XYLB: variants seen among roughly 807,000 people sequenced by gnomAD.
The protein encoded by XYLB is xylulokinase, also known as xylulose kinase.
In XYLB, 62 loss-of-function variants were observed where a neutral mutation model predicts 78.7. The ratio of observed to expected loss-of-function variants is 0.79; its 90% CI spans 0.64 to 0.97. The LOEUF is 0.97. Ranked by LOEUF, XYLB falls within the 50% of genes least tolerant of loss-of-function variation. XYLB has a pLI of 0.00. For synonymous variants in XYLB, 245 were observed against 247.4 expected (o/e 0.99, Z 0.09); for missense variants, 687 against 676.8 (o/e 1.02, Z -0.17).
intron 9 of XYLB, among the ~76,000 whole-genome samples, chr3:38,371,077 G>A (rs1279642116): frequency 6.6e-6 from 1 of 152,156 alleles, no homozygotes; most frequent in East Asian, 1.9e-4. Flanking sequence ...GCTGCTGTGA[G>A]GACTTCGCGT....
intron 10 of XYLB, among the ~76,000 whole-genome samples, chr3:38,373,281 TG>T (rs1706671265): frequency 6.6e-6 from 1 of 152,100 alleles, no homozygotes; most frequent in Non-Finnish European, 1.5e-5. Flanking sequence ...GAAGGCCAGG[TG>T]GGCTACACTG....
chr3:38,430,287 G>A, the XYLB span, among the ~76,000 whole-genome samples: 6 of 152,160 alleles, frequency 3.9e-5, no homozygotes, highest in African/African-American at 1.4e-4. Flanking sequence ...GGTTTGATTT[G>A]CATTTATCTG....
At chr3:38,449,401 G>A in the XYLB span, among the ~76,000 whole-genome samples, 1 of 152,008 alleles carries the variant, frequency 6.6e-6, no homozygotes, top group South Asian at 2.1e-4. Flanking sequence ...GATTACAGGC[G>A]TGAGCCACCA....
chr3:38,399,414 T>C (rs1575527541), intron 17 of XYLB, among the ~76,000 whole-genome samples: 1 of 152,074 alleles, frequency 6.6e-6, no homozygotes, highest in African/African-American at 2.4e-5. Context: ...ACCCAGGCTG[T>C]ATGGTAGTTT....
intron 2 of XYLB, among the ~76,000 whole-genome samples, chr3:38,348,909 C>T (rs1559566669): frequency 6.6e-6 from 1 of 152,170 alleles, no homozygotes; most frequent in African/African-American, 2.4e-5. Flanking sequence ...GAAAGCTCTC[C>T]CAGAGCTTCC....
intron 15 of XYLB, among the ~76,000 whole-genome samples, chr3:38,390,461 G>A (rs1707600942): frequency 6.6e-6 from 1 of 152,116 alleles, no homozygotes; most frequent in African/African-American, 2.4e-5. Context: ...TGGTCTTCCT[G>A]CCTCGGCCTC....
At chr3:38,439,256 T>C in the XYLB span, among the ~76,000 whole-genome samples, 1 of 152,204 alleles carries the variant, frequency 6.6e-6, no homozygotes, top group Non-Finnish European at 1.5e-5. Context: ...GTCAGTGGGT[T>C]GGTCCAGGGG....
downstream of XYLB, among the ~76,000 whole-genome samples, chr3:38,424,716 G>T (rs755202650): frequency 6.6e-6 from 1 of 152,146 alleles, no homozygotes; most frequent in African/African-American, 2.4e-5. Flanking sequence ...TTCTTCATAC[G>T]TGGTTCATTC....
chr3:38,365,799 G>A (rs2125582763), intron 6 of XYLB, 63 bp downstream of exon 6: 1 of 1,530,754 alleles, frequency 6.5e-7, no homozygotes, highest in Non-Finnish European at 8.8e-7. Context: ...GGCATAGTGG[G>A]TGACCTGCCT....
the XYLB span, among the ~76,000 whole-genome samples, chr3:38,435,274 GA>G: frequency 1.3e-5 from 2 of 152,054 alleles, no homozygotes; most frequent in Non-Finnish European, 2.9e-5. Flanking sequence ...AAGTGAGCAG[GA>G]GTATCTATGC....
At chr3:38,423,119 C>A (rs778755972), downstream of XYLB, among the ~76,000 whole-genome samples, 3 of 152,140 alleles carry the variant, frequency 2.0e-5, no homozygotes, top group Non-Finnish European at 4.4e-5. Context: ...GCTGCCCAGG[C>A]TGGAGTGCAG....
chr3:38,403,655 A>G (rs1708204016), intron 18 of XYLB, among the ~76,000 whole-genome samples: 1 of 152,146 alleles, frequency 6.6e-6, no homozygotes, highest in Non-Finnish European at 1.5e-5. Flanking sequence ...TCATATGGTC[A>G]ATTCTGGTTG....
intron 15 of XYLB, among the ~76,000 whole-genome samples, chr3:38,388,460 T>C (rs1707493336): frequency 6.6e-6 from 1 of 152,226 alleles, no homozygotes; most frequent in African/African-American, 2.4e-5. Context: ...AATATATACA[T>C]ATTTCAAAAC....
chr3:38,425,516 T>C (rs1709082630), downstream of XYLB, among the ~76,000 whole-genome samples: 1 of 152,220 alleles, frequency 6.6e-6, no homozygotes, highest in Non-Finnish European at 1.5e-5. Flanking sequence ...CTTTAAATTT[T>C]TTGAGCCTGC....
At chr3:38,368,072 A>G in intron 7 of XYLB, 113 bp from the exon 8 acceptor site, 1 of 999,924 alleles carries the variant, frequency 1.0e-6, no homozygotes, top group Non-Finnish European at 1.6e-6. Context: ...CCTTTTGTTC[A>G]AAGTTTCCAC....
intron 15 of XYLB, among the ~76,000 whole-genome samples, chr3:38,386,539 TTTTC>T (rs1204283680): frequency 6.6e-6 from 1 of 152,192 alleles, no homozygotes; most frequent in African/African-American, 2.4e-5. Context: ...ATATGTTCTT[TTTTC>T]TTTCTTATTC....
intron 15 of XYLB, among the ~76,000 whole-genome samples, chr3:38,389,507 C>T (rs1707553769): frequency 6.6e-6 from 1 of 152,226 alleles, no homozygotes; most frequent in Admixed American, 6.5e-5. Context: ...CTCCTCACTT[C>T]CCAGAAGGGG....
intron 2 of XYLB, among the ~76,000 whole-genome samples, chr3:38,355,309 A>G (rs60375574): frequency 0.033 from 5,082 of 152,292 alleles, 294 homozygotes; most frequent in East Asian, 0.22. Context: ...TTAGCTACCT[A>G]TGAAGCAGAG....
chr3:38,377,747 A>C (rs1327710444), intron 14 of XYLB, among the ~76,000 whole-genome samples: 1 of 152,106 alleles, frequency 6.6e-6, no homozygotes, highest in Non-Finnish European at 1.5e-5. Flanking sequence ...GCTATCATTT[A>C]CTTTTCAAAG....
Sources: gnomAD v4.1 joint callset for allele counts (sites outside exome capture counted in the v4.1 genomes callset) on GRCh38, gnomAD v4.1.1 for gene constraint, MANE v1.5 for transcripts, NCBI Gene and HGNC (gene_info 2026-07-23, HGNC 2026-07-21) for gene names.